Variants in CDH18 observed in about 807,000 individuals in gnomAD.
The protein encoded by CDH18 is cadherin 18, also known as cadherin-18.
CDH18 carries 31 observed loss-of-function variants against 67.9 expected under a neutral mutation model. The ratio of observed to expected loss-of-function variants is 0.46; its 90% CI spans 0.34 to 0.62. The LOEUF (loss-of-function observed/expected upper bound fraction) is 0.62, where lower values mean the gene tolerates loss of function less well. Ranked by LOEUF, CDH18 falls within the 20% of genes least tolerant of loss-of-function variation. CDH18 has a pLI of 0.01. For missense variants in CDH18, 890 were observed against 975.5 expected, an observed-to-expected ratio of 0.91 and a Z score of 1.17; for synonymous variants, 362 against 347.2, an observed-to-expected ratio of 1.04 and a Z score of -0.48.
chr5:20,137,248 T>C (rs542965383), intron 2 of CDH18, among the ~76,000 whole-genome samples: 78 of 152,290 alleles, frequency 5.1e-4, no homozygotes, highest in African/African-American at 1.7e-3. Flanking sequence ...TCTTTTCACA[T>C]AGTCCTATAT....
chr5:20,012,552 A>C (rs1223779666), intron 2 of CDH18, among the ~76,000 whole-genome samples: 2 of 152,094 alleles, frequency 1.3e-5, no homozygotes, highest in Non-Finnish European at 2.9e-5. Context: ...CTAGGAATAG[A>C]GCTAACCAAG....
At chr5:20,516,990 A>C (rs1276542149) in intron 1 of CDH18, among the ~76,000 whole-genome samples, 1 of 151,990 alleles carries the variant, frequency 6.6e-6, no homozygotes, top group East Asian at 1.9e-4. Context: ...ATGCAATGAA[A>C]ATCTATTTCA....
chr5:20,527,668 T>A (rs11746058), intron 1 of CDH18, among the ~76,000 whole-genome samples: 60,497 of 151,836 alleles, frequency 0.4, 13,551 homozygotes, highest in East Asian at 0.57. Context: ...CTCAGCTTTA[T>A]AAGAGAAGGA....
intron 1 of CDH18, among the ~76,000 whole-genome samples, chr5:20,269,470 A>C (rs1336972509): frequency 6.6e-6 from 1 of 152,176 alleles, no homozygotes; most frequent in Non-Finnish European, 1.5e-5. Flanking sequence ...GGAATAAATA[A>C]AAATATCCAT....
intron 2 of CDH18, among the ~76,000 whole-genome samples, chr5:20,172,213 T>TAC (rs1359609407): frequency 1.6e-5 from 1 of 61,106 alleles, no homozygotes; most frequent in Non-Finnish European, 3.0e-5. Context: ...TATATATATA[T>TAC]ATATATATAT....
chr5:19,652,009 C>A (rs1011758639), intron 5 of CDH18, among the ~76,000 whole-genome samples: 52 of 152,032 alleles, frequency 3.4e-4, no homozygotes, highest in African/African-American at 1.2e-3. Flanking sequence ...AAATGATTAA[C>A]GATTCATAGC....
chr5:20,408,560 C>T (rs1580931128), intron 1 of CDH18, among the ~76,000 whole-genome samples: 1 of 150,810 alleles, frequency 6.6e-6, no homozygotes, highest in Non-Finnish European at 1.5e-5. Context: ...AAATCTTATG[C>T]CAACCATGAA....
At chr5:19,504,293 C>CGAAA (rs1346925477) in intron 10 of CDH18, among the ~76,000 whole-genome samples, 1 of 152,076 alleles carries the variant, frequency 6.6e-6, no homozygotes, top group Non-Finnish European at 1.5e-5. Context: ...CACCGCCTTT[C>CGAAA]CATCACTGCT....
chr5:19,673,199 C>T (rs1008111095), intron 5 of CDH18, among the ~76,000 whole-genome samples: 21 of 151,852 alleles, frequency 1.4e-4, no homozygotes, highest in African/African-American at 4.6e-4. Flanking sequence ...TATTAGACTG[C>T]CAGGAATTAC....
chr5:20,353,437 GAATT>G (rs1426367383), intron 1 of CDH18, among the ~76,000 whole-genome samples: 1 of 152,096 alleles, frequency 6.6e-6, no homozygotes, highest in Non-Finnish European at 1.5e-5. Flanking sequence ...AGTGAAATCA[GAATT>G]AATAAAGATA....
intron 9 of CDH18, among the ~76,000 whole-genome samples, chr5:19,533,544 A>G (rs1421917998): frequency 6.6e-6 from 1 of 152,192 alleles, no homozygotes; most frequent in Admixed American, 6.5e-5. Context: ...CTTTGCATGA[A>G]TTAATTTTAT....
intron 2 of CDH18, among the ~76,000 whole-genome samples, chr5:19,955,529 G>T (rs184314565): frequency 6.6e-6 from 1 of 152,146 alleles, no homozygotes; most frequent in East Asian, 1.9e-4. Flanking sequence ...ACCACTTAAA[G>T]AATACACATT....
intron 2 of CDH18, among the ~76,000 whole-genome samples, chr5:19,904,422 G>A (rs79575659): frequency 0.018 from 2,724 of 151,482 alleles, 82 homozygotes; most frequent in African/African-American, 0.063. Flanking sequence ...GGAAGAGAAG[G>A]GAAGGGAAGG....
chr5:19,796,255 A>G (rs891690181), intron 3 of CDH18, among the ~76,000 whole-genome samples: 8 of 152,142 alleles, frequency 5.3e-5, no homozygotes, highest in African/African-American at 1.9e-4. Context: ...AATTCAAACA[A>G]ATCCACAACA....
chr5:20,505,063 G>A (rs1754577542), intron 1 of CDH18, among the ~76,000 whole-genome samples: 1 of 151,094 alleles, frequency 6.6e-6, no homozygotes, highest in African/African-American at 2.4e-5. Flanking sequence ...CATCGCGCCT[G>A]GCCACAAAAG....
At chr5:20,116,327 T>G (rs1011652511) in intron 2 of CDH18, among the ~76,000 whole-genome samples, 1 of 151,768 alleles carries the variant, frequency 6.6e-6, no homozygotes, top group African/African-American at 2.4e-5. Context: ...CTGGCCAACA[T>G]GATGAAACCC....
At chr5:20,509,765 A>G (rs1049075053) in intron 1 of CDH18, among the ~76,000 whole-genome samples, 2 of 152,014 alleles carry the variant, frequency 1.3e-5, no homozygotes, top group African/African-American at 4.8e-5. Flanking sequence ...GTGTATATAT[A>G]CCACATTTTA....
At chr5:20,078,565 A>G (rs1485046388) in intron 2 of CDH18, among the ~76,000 whole-genome samples, 63 of 151,826 alleles carry the variant, frequency 4.1e-4, no homozygotes, top group African/African-American at 1.4e-3. Flanking sequence ...GATTAGAGAA[A>G]ACTTAAGTCT....
intron 1 of CDH18, among the ~76,000 whole-genome samples, chr5:20,379,509 T>A (rs536393401): frequency 1.3e-5 from 2 of 152,266 alleles, no homozygotes; most frequent in South Asian, 4.2e-4. Flanking sequence ...TCTATACAGC[T>A]ACCATATAGA....
Sources: allele counts gnomAD v4.1 joint callset (sites outside exome capture counted in the v4.1 genomes callset), GRCh38; gene constraint gnomAD v4.1.1; transcripts MANE v1.5; gene names NCBI Gene and HGNC (gene_info 2026-07-23, HGNC 2026-07-21).